The following CHAT variants were observed in gnomAD, a reference collection of about 807,000 sequenced individuals.
CHAT encodes acetyl CoA:choline O-acetyltransferase.
Under a neutral mutation model 76.9 loss-of-function variants are expected in CHAT, and 61 were observed. The ratio of observed to expected loss-of-function variants is 0.79; its 90% CI spans 0.65 to 0.98. The LOEUF (loss-of-function observed/expected upper bound fraction) is 0.98. Ranked by LOEUF, CHAT falls within the 50% of genes least tolerant of loss-of-function variation. The pLI, the probability that CHAT is intolerant of heterozygous loss-of-function variation, is 0.00. For synonymous variants in CHAT, 407 were observed against 397.4 expected (o/e 1.02, Z -0.29); for missense variants, 946 against 986.9 (o/e 0.96, Z 0.56).
At chr10:49,611,329 A>G (rs762665405), upstream of CHAT, 4 of 1,603,506 alleles carry the variant, frequency 2.5e-6, no homozygotes, top group African/African-American at 5.3e-5. Flanking sequence ...CACGTCTGGC[A>G]TAGCCATGAT....
At chr10:49,611,697 G>C, upstream of CHAT, 1 of 1,609,514 alleles carries the variant, frequency 6.2e-7, no homozygotes, top group South Asian at 1.1e-5. Flanking sequence ...TGAAGCATAC[G>C]ATGGCGGCTT....
At chr10:49,644,665 T>G (rs1041390241) in intron 7 of CHAT, among the ~76,000 whole-genome samples, 1 of 147,454 alleles carries the variant, frequency 6.8e-6, no homozygotes, top group Non-Finnish European at 1.5e-5. Context: ...CTTCCCAGAG[T>G]AGAAGGTCTG....
At chr10:49,620,683 A>T in intron 4 of CHAT, 70 bp downstream of exon 4, 1 of 1,255,282 alleles carries the variant, frequency 8.0e-7, no homozygotes, top group Middle Eastern at 1.9e-4. Context: ...CCCCAGTGCC[A>T]GCAAAGAAAG....
At position 49,665,755 on chromosome 10, in the gene CHAT, G is replaced by A. The variant is rs983307825; in HGVS notation, c.*709G>A. Among the ~76,000 whole-genome samples the A allele has an allele frequency of 6.6e-6, 1 of 152,134 alleles. No homozygotes were observed. The highest frequency in any genetic ancestry group is 1.5e-5 in the Non-Finnish European group (1 of 68,024). The stretch of plus-strand genomic sequence containing the variant: ...AGGAAAAAAAAATTTATCTGTGACT[G>A]CCCTGGAGTTGCTGCCACTCTCTGC... On this transcript the variant is annotated 3_prime_UTR_variant, in exon 15 of 15. Coordinates refer to ENST00000337653, the MANE Select transcript of CHAT (RefSeq NM_020549.5).
chr10:49,649,459 C>G (rs1227648636), intron 9 of CHAT, 49 bp from the exon 10 acceptor site: 1 of 1,613,064 alleles, frequency 6.2e-7, no homozygotes, highest in South Asian at 1.1e-5. Context: ...AGATGCCTCC[C>G]ACAGCTGTCT....
At chr10:49,633,834 G>C (rs116010085) in intron 7 of CHAT, among the ~76,000 whole-genome samples, 3 of 152,110 alleles carry the variant, frequency 2.0e-5, no homozygotes, top group African/African-American at 7.2e-5. Flanking sequence ...ACACAGTCCC[G>C]TAAATATTTA....
At chr10:49,647,558 T>C (rs1173306647) in intron 8 of CHAT, among the ~76,000 whole-genome samples, 2 of 152,350 alleles carry the variant, frequency 1.3e-5, no homozygotes, top group African/African-American at 2.4e-5. Context: ...TTTTCCTTTT[T>C]ATTGGTTTGC....
At chr10:49,648,408 A>C in intron 8 of CHAT, 99 bp from the exon 9 acceptor site, 1 of 787,136 alleles carries the variant, frequency 1.3e-6, no homozygotes, top group Admixed American at 2.0e-5. Flanking sequence ...TCCCTGGAGA[A>C]GAGGTGCCCT....
intron 13 of CHAT, among the ~76,000 whole-genome samples, chr10:49,658,129 C>T (rs916432402): frequency 1.3e-5 from 2 of 152,198 alleles, no homozygotes; most frequent in African/African-American, 4.8e-5. Flanking sequence ...TGCCTGTAAT[C>T]CCAGCAATTT....
At chr10:49,658,623 C>T (rs929963283) in intron 13 of CHAT, among the ~76,000 whole-genome samples, 3 of 151,940 alleles carry the variant, frequency 2.0e-5, no homozygotes, top group East Asian at 1.9e-4. Context: ...GCAGGAGAAT[C>T]GCTTGAACCC....
intron 7 of CHAT, among the ~76,000 whole-genome samples, chr10:49,640,502 G>T (rs1036932876): frequency 1.7e-4 from 13 of 77,782 alleles, no homozygotes; most frequent in African/African-American, 3.4e-4. Context: ...CTGCAGGGTT[G>T]GGGGGTGGAA....
chr10:49,610,501 C>T, upstream of CHAT: 1 of 434,556 alleles, frequency 2.3e-6, no homozygotes, highest in Non-Finnish European at 4.0e-6. Context: ...TTCCCGGCCG[C>T]CCCTGAGCCC....
At position 49,660,459 on chromosome 10, in the gene CHAT, G is replaced by A. The variant is rs186733325; in HGVS notation, c.1840-2186G>A. ...TCCATCTCAGAAAAAAAAAAAAAGA[G>A]CTGAAATTTCACTGTCTATAACAAG... On this transcript the variant is annotated intron_variant, in intron 13 of 14. Coordinates refer to ENST00000337653, the MANE Select transcript of CHAT (RefSeq NM_020549.5). Among the ~76,000 whole-genome samples, 3 of 149,954 alleles carry A rather than the reference G, an allele frequency of 2.0e-5. No individual in the cohort carries two copies. The East Asian group carries it at 5.9e-4, about 29-fold the overall frequency.
At position 49,646,600 on chromosome 10, in the gene CHAT, A is replaced by C; in HGVS notation, c.1207A>C (p.Arg403=). ...AGGCGTGGAGCTCAGCGACACCCAC[A>C]GGGCACTCCAGCTCCTTCACGGCGG... ...PGGVELSDTH[R]ALQLLHGGGY... is the part of the protein sequence containing the mutation. The change falls in exon 8 of 15, where the codon AGG becomes CGG. Residue 403 remains arginine (R), a synonymous_variant. Coordinates refer to ENST00000337653, the MANE Select transcript of CHAT (RefSeq NM_020549.5). 6.2e-7 allele frequency: 1 copy of C among 1,614,234 alleles called. No homozygotes were observed. Among genetic ancestry groups the C allele is most frequent in the South Asian group, 1.1e-5 (1 of 91,086 alleles).
At chr10:49,646,407 C>T (rs1564487604) in intron 7 of CHAT, 98 bp from the exon 8 acceptor site, 8 of 1,480,172 alleles carry the variant, frequency 5.4e-6, no homozygotes, top group Non-Finnish European at 5.6e-6. Flanking sequence ...TGTTGTGATC[C>T]CAGAAGACAG....
upstream of CHAT, chr10:49,613,893 T>G: frequency 3.9e-6 from 2 of 512,670 alleles, no homozygotes; most frequent in Non-Finnish European, 7.0e-6. Flanking sequence ...TTTTGAAAGA[T>G]GGTGTAGCAG....
At chr10:49,629,899 A>T (rs1238641051) in intron 7 of CHAT, among the ~76,000 whole-genome samples, 1 of 152,236 alleles carries the variant, frequency 6.6e-6, no homozygotes, top group East Asian at 1.9e-4. Flanking sequence ...GTGAAAGAGT[A>T]TGGCAGCTTG....
At chr10:49,642,334 T>C (rs765024007) in intron 7 of CHAT, among the ~76,000 whole-genome samples, 2 of 152,204 alleles carry the variant, frequency 1.3e-5, no homozygotes, top group African/African-American at 2.4e-5. Flanking sequence ...ATCAGCTACT[T>C]ATATGCAGGG....
At chr10:49,609,642 CGCGATTCGCGG>C (rs1838236619), upstream of CHAT, among the ~76,000 whole-genome samples, 1 of 152,092 alleles carries the variant, frequency 6.6e-6, no homozygotes, top group Non-Finnish European at 1.5e-5. Context: ...AGCTCCCGGC[CGCGATTCGCGG>C]CCGAGAAATT....
Sources: allele counts gnomAD v4.1 joint callset (sites outside exome capture counted in the v4.1 genomes callset), GRCh38; gene constraint gnomAD v4.1.1; transcripts MANE v1.5; gene names NCBI Gene and HGNC (gene_info 2026-07-23, HGNC 2026-07-21).